ADGRF5: variants seen among roughly 807,000 people sequenced by gnomAD.
The protein encoded by ADGRF5 is G-protein coupled receptor 116.
Under a neutral mutation model 132.3 loss-of-function variants are expected in ADGRF5, and 75 were observed. The observed-to-expected ratio is 0.57, with a 90% CI of 0.47 to 0.69. The LOEUF (loss-of-function observed/expected upper bound fraction) is 0.69, where lower values mean the gene tolerates loss of function less well. Ranked by LOEUF, ADGRF5 falls within the 30% of genes least tolerant of loss-of-function variation. The probability of loss-of-function intolerance (pLI) is 0.00; values close to 1 mark genes in which losing one functional copy is unlikely to be tolerated. For missense variants in ADGRF5, 1,516 were observed against 1,630.6 expected, an observed-to-expected ratio of 0.93 and a Z score of 1.21; for synonymous variants, 629 against 597.6, an observed-to-expected ratio of 1.05 and a Z score of -0.77.
chr6:46,938,193 A>C (rs1350260754), intron 1 of ADGRF5, among the ~76,000 whole-genome samples: 1 of 152,202 alleles, frequency 6.6e-6, no homozygotes, highest in Non-Finnish European at 1.5e-5. Flanking sequence ...CACTCTGAAA[A>C]GTCTTTGCTA....
chr6:46,883,644 A>G lies in ADGRF5; in HGVS notation c.527T>C (p.Val176Ala), dbSNP rs1772737210. Residue 176 changes from valine to alanine, a missense_variant, in exon 6 of 21, where the codon GTC becomes GCC. Transcript: ENST00000283296. ...LQEDVTLNMRVRLNVGFQEDL... is the reference protein window; with the variant it reads ...LQEDVTLNMRARLNVGFQEDL... ...TTCTTGAAAGCCTACATTTAGTCTG[A>G]CTCTCATGTTCAGGGTAACATCTGT... 1 of 1,595,306 alleles carries G rather than the reference A, an allele frequency of 6.3e-7. No homozygotes were observed. The highest frequency in any genetic ancestry group is 1.4e-5 in the African/African-American group (1 of 73,876).
chr6:46,889,797 T>C (rs1295416962), intron 3 of ADGRF5, among the ~76,000 whole-genome samples: 1 of 148,864 alleles, frequency 6.7e-6, no homozygotes, highest in African/African-American at 2.5e-5. Context: ...TATATATATA[T>C]ATACATAGTT....
At chr6:46,901,996 T>C (rs1049859978) in intron 2 of ADGRF5, among the ~76,000 whole-genome samples, 1 of 152,224 alleles carries the variant, frequency 6.6e-6, no homozygotes, top group Non-Finnish European at 1.5e-5. Flanking sequence ...GGAGCGACTG[T>C]GTACTTGATA....
At chr6:46,893,617 G>A (rs552577366) in intron 3 of ADGRF5, among the ~76,000 whole-genome samples, 49 of 152,290 alleles carry the variant, frequency 3.2e-4, no homozygotes, top group African/African-American at 1.1e-3. Context: ...CATGAGGACA[G>A]TTCCTCAACT....
chr6:46,874,153 C>T (rs1263736265), intron 10 of ADGRF5, among the ~76,000 whole-genome samples: 1 of 152,192 alleles, frequency 6.6e-6, no homozygotes. Flanking sequence ...CCATTGCCTA[C>T]AGAATACAGT....
chr6:46,935,656 G>A (rs1486826822), intron 1 of ADGRF5, among the ~76,000 whole-genome samples: 1 of 152,158 alleles, frequency 6.6e-6, no homozygotes, highest in Non-Finnish European at 1.5e-5. Context: ...CTTCTCAAGG[G>A]GAAGCTAATG....
chr6:46,906,422 T>C (rs759267655), intron 2 of ADGRF5, among the ~76,000 whole-genome samples: 9 of 152,198 alleles, frequency 5.9e-5, no homozygotes, highest in Non-Finnish European at 1.0e-4. Context: ...TGGTGTTCCC[T>C]TGACACCACC....
Position 46,860,947 on chromosome 6 carries a change from C to T in ADGRF5, c.2200-53G>A, listed in dbSNP as rs112759667. On this transcript the variant is annotated intron_variant, in intron 15 of 20. Transcript: ENST00000283296. ...AAAATTTACCAATCAATTCAGCTATCGAATCCAGCTGATCCATTCCTGGCA... is the reference window on the plus strand; with the variant it reads ...AAAATTTACCAATCAATTCAGCTATTGAATCCAGCTGATCCATTCCTGGCA... 467 of 1,417,000 alleles carry T rather than the reference C, an allele frequency of 3.3e-4. 3 individuals carry two copies. In the African/African-American group the frequency reaches 5.4e-3, roughly 16 times the overall value. 87.8% of individuals were successfully genotyped at this position (1,417,000 alleles called of 1,614,324 possible). A position where few individuals can be genotyped will look rare whatever the true frequency, so the allele number is the denominator to read the frequency against.
At position 46,880,120 on chromosome 6, in the gene ADGRF5, A is replaced by G. The variant is rs532540840; in HGVS notation, c.815-81T>C. On this transcript the variant is annotated intron_variant, in intron 8 of 20. Transcript: ENST00000283296. ...CTACTCACCACACACAACCACCACA[A>G]GGCTCTTGGAGATCTTGACAGCATC... The G allele has an allele frequency of 2.6e-5, 24 of 921,280 alleles. No individual in the cohort carries two copies. The Middle Eastern group carries it at 8.9e-4, about 34-fold the overall frequency. The allele number at this position is 921,280 out of a possible 1,614,324, so 57.1% of individuals were successfully genotyped here.
chr6:46,876,659 A>G (rs1454297285), intron 10 of ADGRF5, among the ~76,000 whole-genome samples: 1 of 152,204 alleles, frequency 6.6e-6, no homozygotes, highest in Non-Finnish European at 1.5e-5. Flanking sequence ...GCTGTAGTGC[A>G]GTGGCATGAT....
intron 1 of ADGRF5, among the ~76,000 whole-genome samples, chr6:46,910,850 A>C (rs1327073330): frequency 6.6e-6 from 1 of 152,192 alleles, no homozygotes; most frequent in East Asian, 1.9e-4. Context: ...CTGTTTTCTT[A>C]TCAGTAAATC....
At position 46,860,817 on chromosome 6, in the gene ADGRF5, C is replaced by G; in HGVS notation, c.2277G>C (p.Ala759=). 1 of 1,613,430 alleles carries G rather than the reference C, an allele frequency of 6.2e-7. No individual in the cohort carries two copies. The highest frequency in any genetic ancestry group is 8.5e-7 in the Non-Finnish European group (1 of 1,179,410). The change falls in exon 16 of 21, where the codon GCG becomes GCC. Residue 759 remains alanine (A), a synonymous_variant. Transcript: ENST00000283296. ...CAGGAGAAGAGCTGATTTCATGTTC[C>G]GCTTTGTCTATGCTAATAGAAAGAT... ...LKDLSISIDK[A]EHEISSSPGS...
In ADGRF5 at chr6:46,858,764, A is replaced by T; in HGVS notation, c.3139T>A (p.Ser1047Thr). The T allele has an allele frequency of 6.2e-7, 1 of 1,613,582 alleles. No homozygotes were observed. The highest frequency in any genetic ancestry group is 8.5e-7 in the Non-Finnish European group (1 of 1,179,858). The change falls in exon 17 of 21, where the codon TCT (serine) becomes ACT (threonine). Residue 1047 changes from serine (S) to threonine (T), a missense_variant. Physicochemically the swap from Ser to Thr is moderately conservative, Grantham distance 58 (BLOSUM62 1). Coordinates refer to ENST00000283296, the MANE Select transcript of ADGRF5 (RefSeq NM_001098518.2). Reference protein sequence around the residue: ...VWKSVTKNRTSYMRHTCIVNI... With the variant: ...VWKSVTKNRTTYMRHTCIVNI... ...ACTATGCAGGTGTGGCGCATATAAG[A>T]AGTCCGGTTCTTGGTCACCGATTTC...
At chr6:46,930,116 C>T (rs899714464) in intron 1 of ADGRF5, among the ~76,000 whole-genome samples, 4 of 151,298 alleles carry the variant, frequency 2.6e-5, no homozygotes, top group Non-Finnish European at 4.4e-5. Flanking sequence ...CCACCGCGCC[C>T]AGCCTCCAGG....
intron 1 of ADGRF5, among the ~76,000 whole-genome samples, chr6:46,954,291 C>T (rs1047514000): frequency 7.2e-5 from 11 of 152,110 alleles, no homozygotes; most frequent in South Asian, 6.2e-4. Flanking sequence ...TAGGAACACC[C>T]GTTCCTATTT....
intron 1 of ADGRF5, among the ~76,000 whole-genome samples, chr6:46,927,587 G>A (rs1042466559): frequency 7.9e-5 from 12 of 152,222 alleles, no homozygotes; most frequent in East Asian, 3.9e-4. Context: ...CTGTACTGAC[G>A]AGAAGAATAA....
At chr6:46,861,255 T>A (rs1467480252) in intron 15 of ADGRF5, among the ~76,000 whole-genome samples, 2 of 152,198 alleles carry the variant, frequency 1.3e-5, no homozygotes, top group African/African-American at 4.8e-5. Flanking sequence ...TTTCCTCATA[T>A]CACTTACCCT....
rs114083007 is a variant in ADGRF5 at position 46,918,825 on chromosome 6, C to T, written c.-25+2888G>A. On this transcript the variant is annotated intron_variant, in intron 1 of 20. Coordinates refer to ENST00000283296, the MANE Select transcript of ADGRF5 (RefSeq NM_001098518.2). ...TGCACTGCTGCTGACACTTTTGGTC[C>T]TAATTTCTTGGCTTCATAAACAGCC... 5.0e-3 allele frequency among the ~76,000 whole-genome samples: 763 copies of T among 152,312 alleles called. 6 individuals carry two copies. The highest frequency in any genetic ancestry group is 0.017 in the African/African-American group (726 of 41,562).
chr6:46,873,510 C>T (rs898363976), intron 10 of ADGRF5, among the ~76,000 whole-genome samples: 1 of 152,068 alleles, frequency 6.6e-6, no homozygotes, highest in Non-Finnish European at 1.5e-5. Flanking sequence ...TGTCTCCCGC[C>T]CCTCTTTTCT....
Sources: gnomAD v4.1 joint callset for allele counts (sites outside exome capture counted in the v4.1 genomes callset) on GRCh38, gnomAD v4.1.1 for gene constraint, MANE v1.5 for transcripts, NCBI Gene and HGNC (gene_info 2026-07-23, HGNC 2026-07-21) for gene names.